Variants in FANCM observed in about 807,000 individuals in gnomAD.
FANCM encodes Fanconi anemia group M protein.
Under a neutral mutation model 199.5 loss-of-function variants are expected in FANCM, and 140 were observed. The ratio of observed to expected loss-of-function variants is 0.70; its 90% CI spans 0.61 to 0.81. The LOEUF is 0.81. Among genes scored for constraint, FANCM ranks in the 30% least tolerant of loss-of-function variants. The pLI, the probability that FANCM is intolerant of heterozygous loss-of-function variation, is 0.00. For synonymous variants in FANCM, 840 were observed against 836.8 expected (o/e 1.00, Z -0.07); for missense variants, 2,410 against 2,421.4 (o/e 1.00, Z 0.10).
At chr14:45,191,523 G>C (rs1264630257) in intron 20 of FANCM, among the ~76,000 whole-genome samples, 4 of 152,144 alleles carry the variant, frequency 2.6e-5, no homozygotes, top group Non-Finnish European at 4.4e-5. Context: ...AGAGAAATAA[G>C]CACTGGTAAG....
intron 5 of FANCM, among the ~76,000 whole-genome samples, chr14:45,153,061 C>T (rs1295294634): frequency 6.6e-6 from 1 of 152,106 alleles, no homozygotes; most frequent in African/African-American, 2.4e-5. Flanking sequence ...TTAAGTGCTA[C>T]TAAAAATGTT....
intron 13 of FANCM, 84 bp from the exon 14 acceptor site, chr14:45,174,987 A>G (rs1888569100): frequency 2.7e-6 from 2 of 733,656 alleles, no homozygotes; most frequent in Non-Finnish European, 4.7e-6. Flanking sequence ...AAATATTTTA[A>G]TATAGAGTGA....
chr14:45,140,680 C>G lies in FANCM; in HGVS notation c.730C>G (p.Leu244Val), dbSNP rs376357342. 5.6e-6 allele frequency: 9 copies of G among 1,601,390 alleles called. No individual in the cohort carries two copies. The highest frequency in any genetic ancestry group is 7.7e-6 in the Non-Finnish European group (9 of 1,168,996). Reference sequence around the variant, plus strand: ...TACAAATCACTTTAGAATCTTGGCTCTAAGTGCCACACCAGGTAGTGATAT... The same window carrying G: ...TACAAATCACTTTAGAATCTTGGCTGTAAGTGCCACACCAGGTAGTGATAT... Reference protein sequence around the residue: ...KYTNHFRILALSATPGSDIKA... With the variant: ...KYTNHFRILAVSATPGSDIKA... The change falls in exon 3 of 23, where the codon CTA becomes GTA. Residue 244 changes from leucine to valine, a missense_variant. Leu to Val is a conservative substitution (Grantham distance 32). Transcript: ENST00000267430.
chr14:45,173,415 A>C (rs541445665), intron 13 of FANCM, among the ~76,000 whole-genome samples: 2 of 152,256 alleles, frequency 1.3e-5, no homozygotes, highest in African/African-American at 4.8e-5. Context: ...AAATATTGAT[A>C]GACCAGAGTA....
At chr14:45,136,968 A>C in intron 1 of FANCM, 101 bp from the exon 2 acceptor site, 1 of 900,758 alleles carries the variant, frequency 1.1e-6, no homozygotes, top group South Asian at 1.4e-5. Context: ...TTTTCTCTTA[A>C]TGTTACCAAA....
At position 45,154,734 on chromosome 14, in the gene FANCM, A is replaced by G; in HGVS notation, c.1221A>G (p.Glu407=). The G allele has an allele frequency of 2.5e-6, 4 of 1,603,404 alleles. No homozygotes were observed. Among genetic ancestry groups the G allele is most frequent in the Non-Finnish European group, 3.4e-6 (4 of 1,172,706 alleles). The change falls in exon 7 of 23, where the codon GAA becomes GAG. Residue 407 remains glutamate (E), a synonymous_variant. Coordinates refer to ENST00000267430, the MANE Select transcript of FANCM (RefSeq NM_020937.4). ...CAAAAAATGAACTTGGCCGAAATGA[A>G]GACTTCATGAAACTCTATAATCATC... ...TRSKNELGRN[E]DFMKLYNHLE...
At chr14:45,198,967 C>G in intron 22 of FANCM, 32 bp downstream of exon 22, 1 of 1,531,128 alleles carries the variant, frequency 6.5e-7, no homozygotes, top group Non-Finnish European at 9.0e-7. Flanking sequence ...TAAATGATTA[C>G]TTTTAAAAGA....
At chr14:45,187,223 A>G (rs1419627101) in intron 18 of FANCM, among the ~76,000 whole-genome samples, 1 of 148,030 alleles carries the variant, frequency 6.8e-6, no homozygotes, top group Non-Finnish European at 1.5e-5. Context: ...TTTTTTTTTT[A>G]AAGTACCTCG....
intron 8 of FANCM, 91 bp downstream of exon 8, chr14:45,155,550 A>G (rs1887125256): frequency 1.4e-6 from 1 of 713,128 alleles, no homozygotes; most frequent in East Asian, 2.9e-5. Context: ...TCACACCTGT[A>G]ATCCCAGCAC....
At chr14:45,187,756 T>A in intron 18 of FANCM, 25 bp from the exon 19 acceptor site, 4 of 1,141,978 alleles carry the variant, frequency 3.5e-6, no homozygotes, top group Non-Finnish European at 5.3e-6. Flanking sequence ...TTTGCTAATT[T>A]ATCTAAATTC....
At chr14:45,154,847 G>A (rs750333400) in intron 7 of FANCM, 25 bp downstream of exon 7, 27 of 1,595,348 alleles carry the variant, frequency 1.7e-5, no homozygotes, top group Non-Finnish European at 2.0e-5. Flanking sequence ...TTAAAATTAT[G>A]TATTGTGTTG....
chr14:45,141,624 T>A (rs1376286349), intron 3 of FANCM, among the ~76,000 whole-genome samples: 1 of 149,534 alleles, frequency 6.7e-6, no homozygotes, highest in African/African-American at 2.5e-5. Flanking sequence ...AGTTTTGCTC[T>A]TGTTACCCAG....
chr14:45,144,390 T>C (rs553369560), intron 3 of FANCM, among the ~76,000 whole-genome samples: 7 of 148,246 alleles, frequency 4.7e-5, no homozygotes, highest in Admixed American at 6.7e-5. Context: ...ATTACTTTAA[T>C]TTTTAGCTCC....
Position 45,198,650 on chromosome 14 carries a change from C to G in FANCM, c.5723C>G (p.Thr1908Arg). 6.2e-7 allele frequency: 1 copy of G among 1,609,728 alleles called. No individual in the cohort carries two copies. Among genetic ancestry groups the G allele is most frequent in the Non-Finnish European group, 8.5e-7 (1 of 1,176,772 alleles). ...VEKDREKTGDTSRMFRRTKSY... is the reference protein window; with the variant it reads ...VEKDREKTGDRSRMFRRTKSY... ...CCTAAATATGAATATTTAGGAGACA[C>G]ATCAAGGATGTTTAGGAGAACAAAG... The change falls in exon 22 of 23, where the codon ACA (threonine) becomes AGA (arginine). Residue 1908 changes from threonine (T) to arginine (R), a missense_variant. Coordinates refer to ENST00000267430, the MANE Select transcript of FANCM (RefSeq NM_020937.4).
chr14:45,189,262 A>G lies in FANCM; in HGVS notation c.5240A>G (p.Asp1747Gly), dbSNP rs764718852. The G allele has an allele frequency of 1.2e-6, 2 of 1,613,864 alleles. No homozygotes were observed. Among genetic ancestry groups the G allele is most frequent in the African/African-American group, 1.3e-5 (1 of 74,920 alleles). The change falls in exon 20 of 23, where the codon GAC (aspartate) becomes GGC (glycine). Residue 1747 changes from aspartate (D) to glycine (G), a missense_variant. Asp to Gly is a moderately conservative substitution (Grantham distance 94). Transcript: ENST00000267430. The stretch of plus-strand genomic sequence containing the variant: ...AAGGATACAATTTCCGAAGTCTCAG[A>G]CTTCAAACCTCAGAATCATAATGAA... ...NLKDTISEVSDFKPQNHNEVQ... is the reference protein window; with the variant it reads ...NLKDTISEVSGFKPQNHNEVQ...
chr14:45,151,212 A>G (rs1886792005), intron 4 of FANCM, among the ~76,000 whole-genome samples, 185 bp from the exon 5 acceptor site: 1 of 152,240 alleles, frequency 6.6e-6, no homozygotes, highest in Non-Finnish European at 1.5e-5. Context: ...TGATTTTTAT[A>G]TGGATATTAT....
At chr14:45,173,466 A>C (rs552732126) in intron 13 of FANCM, among the ~76,000 whole-genome samples, 1 of 152,298 alleles carries the variant, frequency 6.6e-6, no homozygotes, top group South Asian at 2.1e-4. Context: ...AACTGTTTGT[A>C]AACCTTATTT....
At chr14:45,185,551 T>C (rs536943373) in intron 18 of FANCM, among the ~76,000 whole-genome samples, 178 bp downstream of exon 18, 3 of 152,348 alleles carry the variant, frequency 2.0e-5, no homozygotes, top group African/African-American at 7.2e-5. Context: ...TTTAGACTGA[T>C]TGTTCATAGG....
chr14:45,158,888 T>C (rs1269251151), intron 8 of FANCM, among the ~76,000 whole-genome samples: 2 of 152,138 alleles, frequency 1.3e-5, no homozygotes, highest in Non-Finnish European at 1.5e-5. Context: ...CCCAGGCTGG[T>C]CTTGAACTCC....
Sources: allele counts gnomAD v4.1 joint callset (sites outside exome capture counted in the v4.1 genomes callset), GRCh38; gene constraint gnomAD v4.1.1; transcripts MANE v1.5; gene names NCBI Gene and HGNC (gene_info 2026-07-23, HGNC 2026-07-21).